Variants in ANKRD30B observed in about 807,000 individuals in gnomAD.
ANKRD30B encodes the protein ankyrin repeat domain 30B.
A neutral mutation model predicts 202.2 loss-of-function variants in ANKRD30B; 144 were observed. That is an observed-to-expected ratio of 0.71 (90% CI 0.62 to 0.82). ANKRD30B has a LOEUF of 0.82. Among genes scored for constraint, ANKRD30B ranks in the 40% least tolerant of loss-of-function variants. The probability of loss-of-function intolerance (pLI) is 0.00; values close to 1 mark genes in which losing one functional copy is unlikely to be tolerated. For synonymous variants in ANKRD30B, 508 were observed against 561.3 expected, an observed-to-expected ratio of 0.91 and a Z score of 1.34; for missense variants, 1,487 against 1,669.1, an observed-to-expected ratio of 0.89 and a Z score of 1.90.
At chr18:14,755,349 T>G (rs1046298604) in intron 4 of ANKRD30B, among the ~76,000 whole-genome samples, 26 of 152,164 alleles carry the variant, frequency 1.7e-4, no homozygotes, top group African/African-American at 6.0e-4. Context: ...TTATTAACAG[T>G]TTTATAGTAT....
At chr18:14,933,492 G>C in the ANKRD30B span, among the ~76,000 whole-genome samples, 1 of 152,072 alleles carries the variant, frequency 6.6e-6, no homozygotes, top group Non-Finnish European at 1.5e-5. Context: ...TGGGACTGCA[G>C]GGAGCAAGGG....
At chr18:14,864,910 A>G in the ANKRD30B span, among the ~76,000 whole-genome samples, 2 of 150,570 alleles carry the variant, frequency 1.3e-5, no homozygotes, top group South Asian at 2.1e-4. Flanking sequence ...CTTTTAACCC[A>G]TCTACCTCCC....
At chr18:14,907,504 G>C in the ANKRD30B span, among the ~76,000 whole-genome samples, 1 of 152,204 alleles carries the variant, frequency 6.6e-6, no homozygotes, top group Non-Finnish European at 1.5e-5. Flanking sequence ...CCCAGGGAGA[G>C]GGCGTAGGAG....
chr18:14,787,364 C>T (rs1968155646), intron 15 of ANKRD30B, among the ~76,000 whole-genome samples: 1 of 152,144 alleles, frequency 6.6e-6, no homozygotes, highest in Non-Finnish European at 1.5e-5. Context: ...TAGAAATTCA[C>T]ATGGGATCTG....
the ANKRD30B span, among the ~76,000 whole-genome samples, chr18:14,927,229 T>C: frequency 6.6e-6 from 1 of 152,094 alleles, no homozygotes; most frequent in South Asian, 2.1e-4. Flanking sequence ...TTTTAGAAAA[T>C]CTAAAATTAT....
the ANKRD30B span, among the ~76,000 whole-genome samples, chr18:14,898,791 C>A: frequency 6.6e-6 from 1 of 152,074 alleles, no homozygotes; most frequent in Non-Finnish European, 1.5e-5. Context: ...GTGAATATAT[C>A]CTCTGAAGCT....
chr18:14,894,887 C>A, the ANKRD30B span, among the ~76,000 whole-genome samples: 1 of 141,410 alleles, frequency 7.1e-6, no homozygotes, highest in East Asian at 2.1e-4. Flanking sequence ...AGAAAAAAAC[C>A]TAGTTAAAAA....
At chr18:14,884,350 C>T in the ANKRD30B span, among the ~76,000 whole-genome samples, 3 of 152,092 alleles carry the variant, frequency 2.0e-5, no homozygotes, top group African/African-American at 7.2e-5. Context: ...GCCCTGGCTA[C>T]ACCTTGATTG....
intron 30 of ANKRD30B, among the ~76,000 whole-genome samples, chr18:14,820,385 A>G (rs1300090768): frequency 6.6e-6 from 1 of 152,134 alleles, no homozygotes; most frequent in African/African-American, 2.4e-5. Context: ...CCTGGCCAGA[A>G]CTTCCAACAC....
At chr18:14,898,051 G>A in the ANKRD30B span, among the ~76,000 whole-genome samples, 4 of 152,112 alleles carry the variant, frequency 2.6e-5, no homozygotes, top group Middle Eastern at 3.2e-3. Context: ...AGTGCAGGGT[G>A]AAAAAATTAA....
At chr18:14,765,781 A>G (rs1200188547) in intron 7 of ANKRD30B, among the ~76,000 whole-genome samples, 2 of 152,156 alleles carry the variant, frequency 1.3e-5, no homozygotes, top group Non-Finnish European at 2.9e-5. Context: ...GCCTAGTATC[A>G]GTCTATTATG....
intron 30 of ANKRD30B, among the ~76,000 whole-genome samples, chr18:14,818,518 C>A (rs1239429340): frequency 4.2e-5 from 4 of 95,916 alleles, no homozygotes; most frequent in South Asian, 1.0e-3. Context: ...CCCCTCCCCC[C>A]ACCCTACAAC....
chr18:14,885,243 T>G, the ANKRD30B span, among the ~76,000 whole-genome samples: 1 of 152,074 alleles, frequency 6.6e-6, no homozygotes, highest in Non-Finnish European at 1.5e-5. Context: ...CCTTGTGTTA[T>G]TTATGTGTAA....
the ANKRD30B span, among the ~76,000 whole-genome samples, chr18:14,866,412 C>T: frequency 1.3e-5 from 2 of 152,012 alleles, no homozygotes; most frequent in South Asian, 2.1e-4. Context: ...GAGTGGTAGG[C>T]GGGAGGCTGG....
chr18:14,888,624 G>C, the ANKRD30B span: 9 of 396,846 alleles, frequency 2.3e-5, no homozygotes, highest in Non-Finnish European at 3.6e-5. Flanking sequence ...AAAAATAAAA[G>C]GAAAGAAAAT....
Position 14,824,263 on chromosome 18 carries a change from A to G in ANKRD30B, c.2743+1586A>G, listed in dbSNP as rs957651984. 7.2e-5 allele frequency among the ~76,000 whole-genome samples: 11 copies of G among 152,344 alleles called. No individual in the cohort carries two copies. The South Asian group carries it at 2.1e-3, about 29-fold the overall frequency. The stretch of plus-strand genomic sequence containing the variant: ...AAGTCAACATCAAATGATAGCTTAT[A>G]TCAGAGAGCTTTTATTGAAGTGGGA... On this transcript the variant is annotated intron_variant, in intron 32 of 43. Coordinates refer to ENST00000690538, the MANE Select transcript of ANKRD30B (RefSeq NM_001367607.2).
intron 16 of ANKRD30B, among the ~76,000 whole-genome samples, chr18:14,793,821 G>A (rs1968687343): frequency 6.7e-6 from 1 of 150,366 alleles, no homozygotes; most frequent in African/African-American, 2.5e-5. Flanking sequence ...CTGAACCCGG[G>A]AGGTGGAGCT....
intron 7 of ANKRD30B, among the ~76,000 whole-genome samples, chr18:14,764,452 C>T (rs12457085): frequency 0.37 from 56,499 of 151,792 alleles, 11,425 homozygotes; most frequent in East Asian, 0.55. Context: ...TGCAATGGCG[C>T]GAGCGATCTC....
At chr18:14,918,486 A>G in the ANKRD30B span, among the ~76,000 whole-genome samples, 2 of 152,170 alleles carry the variant, frequency 1.3e-5, no homozygotes, top group African/African-American at 2.4e-5. Flanking sequence ...GTGAATTCAA[A>G]GCTGTTAGGA....
Sources: allele counts gnomAD v4.1 joint callset (sites outside exome capture counted in the v4.1 genomes callset), GRCh38; gene constraint gnomAD v4.1.1; transcripts MANE v1.5; gene names NCBI Gene and HGNC (gene_info 2026-07-23, HGNC 2026-07-21).